Variants in CDH13 observed in about 807,000 individuals in gnomAD.
CDH13 encodes cadherin 13, also known as cadherin-13.
CDH13 carries 24 observed loss-of-function variants against 63.8 expected under a neutral mutation model. That is an observed-to-expected ratio of 0.38 (90% CI 0.27 to 0.53). CDH13 has a LOEUF of 0.53. Ranked by LOEUF, CDH13 falls within the 20% of genes least tolerant of loss-of-function variation. The pLI is 0.85. For missense variants in CDH13, 1,049 were observed against 903.1 expected, an observed-to-expected ratio of 1.16 and a Z score of -2.07; for synonymous variants, 503 against 355.3, an observed-to-expected ratio of 1.42 and a Z score of -4.67.
intron 6 of CDH13, among the ~76,000 whole-genome samples, chr16:83,463,394 C>G (rs2073229508): frequency 6.6e-6 from 1 of 152,236 alleles, no homozygotes; most frequent in Non-Finnish European, 1.5e-5. Flanking sequence ...CCATGTCACC[C>G]TCTCTCTGGC....
chr16:82,956,747 A>G (rs1446428644), intron 2 of CDH13, among the ~76,000 whole-genome samples: 2 of 152,212 alleles, frequency 1.3e-5, no homozygotes, highest in Admixed American at 1.3e-4. Context: ...GTTCTTTCAC[A>G]TTGGAAAGTT....
chr16:82,649,220 A>T (rs1277039041), intron 1 of CDH13, among the ~76,000 whole-genome samples: 1 of 152,214 alleles, frequency 6.6e-6, no homozygotes, highest in African/African-American at 2.4e-5. Flanking sequence ...AAAGCCACTT[A>T]TCCAAGGTCA....
intron 2 of CDH13, among the ~76,000 whole-genome samples, chr16:83,025,261 AT>A (rs1227679227): frequency 6.6e-6 from 1 of 152,194 alleles, no homozygotes; most frequent in East Asian, 1.9e-4. Flanking sequence ...GATGTCGAGG[AT>A]TAAAGAATAT....
intron 1 of CDH13, among the ~76,000 whole-genome samples, chr16:82,780,819 A>C (rs1386884483): frequency 6.6e-6 from 1 of 152,250 alleles, no homozygotes; most frequent in Non-Finnish European, 1.5e-5. Context: ...AGACATGTAT[A>C]ACACAGAAGT....
At chr16:83,572,364 C>G (rs893258654) in intron 7 of CDH13, among the ~76,000 whole-genome samples, 1 of 152,240 alleles carries the variant, frequency 6.6e-6, no homozygotes, top group South Asian at 2.1e-4. Context: ...TGGTCTCGAA[C>G]TCCTGACCTC....
chr16:82,712,917 G>C (rs2032063727), intron 1 of CDH13, among the ~76,000 whole-genome samples: 3 of 152,018 alleles, frequency 2.0e-5, no homozygotes, highest in African/African-American at 7.2e-5. Context: ...GTGATTACTT[G>C]TCCTATCTCC....
At chr16:83,490,494 A>T (rs62040144) in intron 7 of CDH13, among the ~76,000 whole-genome samples, 3 of 152,160 alleles carry the variant, frequency 2.0e-5, no homozygotes, top group Admixed American at 1.3e-4. Flanking sequence ...ACATGGAGCC[A>T]TCTGAGGCAG....
intron 6 of CDH13, among the ~76,000 whole-genome samples, chr16:83,432,170 C>T (rs1280868311): frequency 6.6e-6 from 1 of 152,124 alleles, no homozygotes; most frequent in Non-Finnish European, 1.5e-5. Context: ...CTGGAAATTT[C>T]AGATTCCCTG....
At chr16:83,166,487 C>A (rs1362354766) in intron 4 of CDH13, among the ~76,000 whole-genome samples, 1 of 152,064 alleles carries the variant, frequency 6.6e-6, no homozygotes. Flanking sequence ...CTTCCAAGAT[C>A]AGATTTTTAT....
intron 3 of CDH13, among the ~76,000 whole-genome samples, chr16:83,049,578 G>A (rs138097870): frequency 0.025 from 3,867 of 151,982 alleles, 172 homozygotes; most frequent in African/African-American, 0.088. Context: ...CTCGTGATCC[G>A]CCTGCCTCAG....
chr16:82,859,537 G>A (rs2039845601), intron 2 of CDH13: 1 of 151,740 alleles, frequency 6.6e-6, no homozygotes, highest in African/African-American at 2.4e-5. Flanking sequence ...CAACCTGGGT[G>A]ACAGAGCGAG....
At chr16:83,386,870 G>A (rs2151424020) in intron 6 of CDH13, among the ~76,000 whole-genome samples, 1 of 152,220 alleles carries the variant, frequency 6.6e-6, no homozygotes, top group South Asian at 2.1e-4. Context: ...CATCACTTCT[G>A]TATTTAAGGA....
chr16:82,702,723 A>T (rs1475999610), intron 1 of CDH13, among the ~76,000 whole-genome samples: 1 of 152,212 alleles, frequency 6.6e-6, no homozygotes, highest in Non-Finnish European at 1.5e-5. Context: ...TGAATATAAA[A>T]GTATGAAGAT....
intron 6 of CDH13, among the ~76,000 whole-genome samples, chr16:83,466,163 C>T (rs184790283): frequency 5.9e-5 from 9 of 152,280 alleles, no homozygotes; most frequent in Admixed American, 2.0e-4. Flanking sequence ...AGCCACGTGA[C>T]GTTACGCTGT....
At position 82,746,018 on chromosome 16, in the gene CDH13, G is replaced by C. The variant is rs2034146697; in HGVS notation, c.46-112344G>C. On this transcript the variant is annotated intron_variant, in intron 1 of 13. Coordinates refer to ENST00000567109, the MANE Select transcript of CDH13 (RefSeq NM_001257.5). ...ATCCATTCACAAGTTTAATTACACT[G>C]TCTTCATCATTAGTCATAACGTTTT... 2.0e-5 allele frequency among the ~76,000 whole-genome samples: 3 copies of C among 152,096 alleles called. No individual in the cohort carries two copies. The South Asian group carries it at 6.2e-4, about 32-fold the overall frequency.
chr16:83,575,959 C>A (rs141505686), intron 7 of CDH13, among the ~76,000 whole-genome samples: 5 of 152,102 alleles, frequency 3.3e-5, no homozygotes, highest in Non-Finnish European at 5.9e-5. Context: ...AAATTAACCA[C>A]GTTAAAGTGA....
At chr16:83,549,272 A>C (rs1460941338) in intron 7 of CDH13, among the ~76,000 whole-genome samples, 1 of 152,224 alleles carries the variant, frequency 6.6e-6, no homozygotes, top group Non-Finnish European at 1.5e-5. Flanking sequence ...CCCACTCTCC[A>C]GGTCACCTCT....
chr16:83,786,002 A>C lies in CDH13; in HGVS notation c.2134+2530A>C, dbSNP rs147308101. ...AAACAGGTGGAGGAGAGTAAAGTTA[A>C]GAATACAAGTGTGAAGATGTTTGCT... On this transcript the variant is annotated intron_variant, in intron 13 of 13. Coordinates refer to ENST00000567109, the MANE Select transcript of CDH13 (RefSeq NM_001257.5). Among the ~76,000 whole-genome samples, 619 of 152,298 alleles carry C rather than the reference A, an allele frequency of 4.1e-3. 2 individuals are homozygous for C. Among genetic ancestry groups the C allele is most frequent in the Non-Finnish European group, 5.6e-3 (383 of 68,024 alleles).
chr16:83,055,682 T>G (rs377285712), intron 3 of CDH13, among the ~76,000 whole-genome samples: 13 of 151,844 alleles, frequency 8.6e-5, no homozygotes, highest in African/African-American at 3.1e-4. Context: ...AAGAAGAAAA[T>G]ACACTAATCT....
Sources: allele counts gnomAD v4.1 joint callset (sites outside exome capture counted in the v4.1 genomes callset), GRCh38; gene constraint gnomAD v4.1.1; transcripts MANE v1.5; gene names NCBI Gene and HGNC (gene_info 2026-07-23, HGNC 2026-07-21).